The following TTI2 variants were observed in gnomAD, a reference collection of about 807,000 sequenced individuals.
The protein encoded by TTI2 is TELO2 interacting protein 2.
TTI2 carries 26 observed loss-of-function variants against 44.9 expected under a neutral mutation model. The observed-to-expected ratio is 0.58, with a 90% CI of 0.42 to 0.80. The LOEUF is 0.80. Among genes scored for constraint, TTI2 ranks in the 30% least tolerant of loss-of-function variants. The probability of loss-of-function intolerance (pLI) is 0.00; values close to 1 mark genes in which losing one functional copy is unlikely to be tolerated. For missense variants in TTI2, 582 were observed against 611.6 expected (o/e 0.95, Z 0.51); for synonymous variants, 254 against 250.9 (o/e 1.01, Z -0.12).
Position 33,512,110 on chromosome 8 carries a change from A to G in TTI2, c.504T>C (p.Ser168=), listed in dbSNP as rs1281329299. Reference sequence around the variant, plus strand: ...TGAGCACCTCCCTAGCAACTTCCCGAGATCTCGGAGTGGTCCATGGTTGCT... The same window carrying G: ...TGAGCACCTCCCTAGCAACTTCCCGGGATCTCGGAGTGGTCCATGGTTGCT... ...SLEQPWTTPR[S]REVAREVLTS... is the part of the protein sequence containing the mutation. Residue 168 remains serine (S), a synonymous_variant, in exon 2 of 8, where the codon TCT becomes TCC. Transcript: ENST00000431156. The G allele has an allele frequency of 2.5e-6, 4 of 1,614,120 alleles. No homozygotes were observed. Among genetic ancestry groups the G allele is most frequent in the Non-Finnish European group, 2.5e-6 (3 of 1,180,004 alleles).
intron 4 of TTI2, among the ~76,000 whole-genome samples, chr8:33,505,887 T>A (rs1809276022): frequency 1.3e-5 from 2 of 152,126 alleles, no homozygotes; most frequent in Admixed American, 1.3e-4. Flanking sequence ...TCTCCCGACC[T>A]CGTGATCCGC....
At chr8:33,510,663 C>T (rs1281696189) in intron 2 of TTI2, among the ~76,000 whole-genome samples, 1 of 152,142 alleles carries the variant, frequency 6.6e-6, no homozygotes, top group Non-Finnish European at 1.5e-5. Flanking sequence ...AGGTGTCAGC[C>T]ACCACACTCC....
At chr8:33,500,199 T>G in intron 7 of TTI2, 129 bp downstream of exon 7, 1 of 1,022,048 alleles carries the variant, frequency 9.8e-7, no homozygotes. Flanking sequence ...AGGGCTCATA[T>G]GGAGATCTAA....
intron 3 of TTI2, among the ~76,000 whole-genome samples, chr8:33,509,464 AAAAAAAAAAAAAG>A (rs1432332986): frequency 1.9e-4 from 27 of 145,148 alleles, no homozygotes; most frequent in African/African-American, 6.8e-4. Flanking sequence ...TCAAAAAAAA[AAAAAAAAAAAAAG>A]AAAGAAAGAA....
intron 4 of TTI2, 41 bp downstream of exon 4, chr8:33,507,188 C>A: frequency 6.4e-7 from 1 of 1,556,898 alleles, no homozygotes; most frequent in South Asian, 1.1e-5. Context: ...TACTCAAATT[C>A]AGAGAATCCA....
At position 33,498,941 on chromosome 8, in the gene TTI2, A is replaced by G. The variant is rs561756257; in HGVS notation, c.*232T>C. 1.9e-5 allele frequency: 11 copies of G among 587,796 alleles called. No homozygotes were observed. The highest frequency in any genetic ancestry group is 1.7e-4 in the South Asian group (8 of 47,342). The allele number at this position is 587,796 out of a possible 1,614,324, so 36.4% of individuals were successfully genotyped here. ...TAAATATTTCTAAATTTTAAATGCT[A>G]CATTACTTGGTGTCCTTTTTTCTCC... is the stretch of plus-strand genomic sequence containing the variant. On this transcript the variant is annotated 3_prime_UTR_variant, in exon 8 of 8. Transcript: ENST00000431156.
intron 2 of TTI2, among the ~76,000 whole-genome samples, chr8:33,511,373 G>GTTT (rs1809521477): frequency 6.6e-6 from 1 of 151,988 alleles, no homozygotes; most frequent in South Asian, 2.1e-4. Context: ...CCAAGTAAGT[G>GTTT]GGACAGAATT....
Position 33,507,289 on chromosome 8 carries a change from G to A in TTI2, c.867C>T (p.Ala289=), listed in dbSNP as rs368437813. The A allele has an allele frequency of 1.1e-5, 17 of 1,614,106 alleles. No homozygotes were observed. The highest frequency in any genetic ancestry group is 7.6e-6 in the Non-Finnish European group (9 of 1,180,004). ...PAADLLQYNR[A]QVLYHAISNH... ...TGGAAATGGCATGGTATAGGACCTGGGCTCTGTTATACTGGAGCAAATCAG... is the reference window on the plus strand; with the variant it reads ...TGGAAATGGCATGGTATAGGACCTGAGCTCTGTTATACTGGAGCAAATCAG... The change falls in exon 4 of 8, where the codon GCC becomes GCT. Residue 289 remains alanine (A), a synonymous_variant. Transcript: ENST00000431156.
intron 6 of TTI2, among the ~76,000 whole-genome samples, chr8:33,502,781 G>A (rs895702263): frequency 8.6e-5 from 13 of 151,978 alleles, no homozygotes; most frequent in Non-Finnish European, 1.5e-4. Context: ...AGCTGAGATC[G>A]CGCCATTGCA....
At position 33,509,864 on chromosome 8, in the gene TTI2, G is replaced by T; in HGVS notation, c.716C>A (p.Pro239His). 6.2e-7 allele frequency: 1 copy of T among 1,613,880 alleles called. No individual in the cohort carries two copies. Among genetic ancestry groups the T allele is most frequent in the Non-Finnish European group, 8.5e-7 (1 of 1,179,968 alleles). Residue 239 changes from proline (P) to histidine (H), a missense_variant, in exon 3 of 8, where the codon CCC becomes CAC. Transcript: ENST00000431156. ...CCTTTCCAGATGCTGGCTCAGCCAG[G>T]GCCGAGTGACCTGTTGCAGAGTCCA... ...FSWTLQQVTR[P>H]WLSQHLERVL...
At chr8:33,509,537 ACCC>A in intron 3 of TTI2, among the ~76,000 whole-genome samples, 1 of 151,902 alleles carries the variant, frequency 6.6e-6, no homozygotes, top group Non-Finnish European at 1.5e-5. Context: ...TTTGATAATG[ACCC>A]ATGCCTTCCT....
chr8:33,509,539 C>A (rs557023724), intron 3 of TTI2, among the ~76,000 whole-genome samples: 1 of 151,860 alleles, frequency 6.6e-6, no homozygotes, highest in South Asian at 2.1e-4. Context: ...TGATAATGAC[C>A]CATGCCTTCC....
At position 33,512,116 on chromosome 8, in the gene TTI2, C is replaced by A. The variant is rs770338949; in HGVS notation, c.498G>T (p.Pro166=). The change falls in exon 2 of 8, where the codon CCG becomes CCT. Residue 166 remains proline (P), a synonymous_variant. Transcript: ENST00000431156. ...CCTCCCTAGCAACTTCCCGAGATCT[C>A]GGAGTGGTCCATGGTTGCTCCAAGC... The part of the protein sequence containing the change: ...THSLEQPWTT[P]RSREVAREVL... 1.9e-6 allele frequency: 3 copies of A among 1,614,140 alleles called. No individual in the cohort carries two copies. The highest frequency in any genetic ancestry group is 2.2e-5 in the South Asian group (2 of 91,082).
intron 2 of TTI2, 103 bp from the exon 3 acceptor site, chr8:33,510,035 G>T (rs1585333029): frequency 6.2e-6 from 5 of 812,190 alleles, no homozygotes; most frequent in African/African-American, 1.9e-5. Context: ...TCATGTCTTT[G>T]AAAAAAAAAA....
chr8:33,500,192 G>T, intron 7 of TTI2, 136 bp downstream of exon 7: 1 of 899,752 alleles, frequency 1.1e-6, no homozygotes, highest in Non-Finnish European at 1.7e-6. Context: ...AGGCTAGAGG[G>T]CTCATATGGA....
At chr8:33,512,942 G>T in intron 1 of TTI2, 140 bp downstream of exon 1, 2 of 214,510 alleles carry the variant, frequency 9.3e-6, no homozygotes, top group Non-Finnish European at 1.9e-5. Context: ...GGACTCTCAG[G>T]GAGTAAAAGA....
At chr8:33,504,284 T>C (rs1809215911) in intron 4 of TTI2, among the ~76,000 whole-genome samples, 1 of 134,106 alleles carries the variant, frequency 7.5e-6, no homozygotes, top group South Asian at 2.4e-4. Context: ...ACATGATATT[T>C]ACACATTTTT....
chr8:33,511,726 A>G (rs1185856256), intron 2 of TTI2, among the ~76,000 whole-genome samples: 2 of 151,914 alleles, frequency 1.3e-5, no homozygotes, highest in Non-Finnish European at 2.9e-5. Context: ...CGTCTCTACT[A>G]AAAATACAAA....
chr8:33,509,849 T>A lies in TTI2; in HGVS notation c.731A>T (p.His244Leu), dbSNP rs1403694523. Residue 244 changes from histidine to leucine, a missense_variant, in exon 3 of 8, where the codon CAT becomes CTT. Coordinates refer to ENST00000431156, the MANE Select transcript of TTI2 (RefSeq NM_001102401.4). ...QQVTRPWLSQHLERVLPASLV... is the reference protein window; with the variant it reads ...QQVTRPWLSQLLERVLPASLV... ...TGATGCGGGAAGTACCCTTTCCAGA[T>A]GCTGGCTCAGCCAGGGCCGAGTGAC... The A allele has an allele frequency of 2.5e-6, 4 of 1,614,010 alleles. No homozygotes were observed. Among genetic ancestry groups the A allele is most frequent in the Non-Finnish European group, 3.4e-6 (4 of 1,180,014 alleles).
Sources: gnomAD v4.1 joint callset for allele counts (sites outside exome capture counted in the v4.1 genomes callset) on GRCh38, gnomAD v4.1.1 for gene constraint, MANE v1.5 for transcripts, NCBI Gene and HGNC (gene_info 2026-07-23, HGNC 2026-07-21) for gene names.